The following DNMT3A variants were observed in gnomAD, a reference collection of about 807,000 sequenced individuals.
DNMT3A encodes DNA (cytosine-5)-methyltransferase 3A.
DNMT3A carries 267 observed loss-of-function variants against 117.6 expected under a neutral mutation model. The observed-to-expected ratio is 2.27, with a 90% CI of 2.05 to 2.51. The LOEUF is 2.51. DNMT3A is among the 30% of genes most tolerant of loss of function. The pLI, the probability that DNMT3A is intolerant of heterozygous loss-of-function variation, is 0.00. For synonymous variants in DNMT3A, 432 were observed against 474.8 expected (o/e 0.91, Z 1.17); for missense variants, 1,029 against 1,260.2 (o/e 0.82, Z 2.78).
intron 2 of DNMT3A, among the ~76,000 whole-genome samples, chr2:25,301,143 C>T (rs759181693): frequency 1.1e-4 from 16 of 151,720 alleles, no homozygotes; most frequent in Non-Finnish European, 1.9e-4. Flanking sequence ...GTGGCACGCG[C>T]CTGTAGTCTC....
intron 2 of DNMT3A, among the ~76,000 whole-genome samples, chr2:25,302,590 G>T (rs937106853): frequency 1.3e-5 from 2 of 152,198 alleles, no homozygotes; most frequent in Non-Finnish European, 2.9e-5. Context: ...GAGCAAACTC[G>T]CGGGAGCCTT....
rs1271561692 is a variant in DNMT3A at position 25,231,182 on chromosome 2, G to A, written c.*3097C>T. 1 of 152,342 alleles carries A rather than the reference G, an allele frequency of 6.6e-6. No individual in the cohort carries two copies. 9.4% of individuals were successfully genotyped at this position (152,342 alleles called of 1,614,324 possible). On this transcript the variant is annotated 3_prime_UTR_variant, in exon 23 of 23. Coordinates refer to ENST00000321117, the MANE Select transcript of DNMT3A (RefSeq NM_022552.5). ...GGAGGGAGCACCTTGGACTGCCTGA[G>A]GCAGCCCCTCCTCCCCCAGCCCTCC...
chr2:25,240,842 G>T, intron 17 of DNMT3A, 112 bp from the exon 18 acceptor site: 1 of 1,051,764 alleles, frequency 9.5e-7, no homozygotes. Flanking sequence ...ACGAAAGAGA[G>T]GAGACCCAGC....
At chr2:25,312,304 G>A (rs2034165853) in intron 2 of DNMT3A, among the ~76,000 whole-genome samples, 2 of 152,196 alleles carry the variant, frequency 1.3e-5, no homozygotes, top group South Asian at 2.1e-4. Flanking sequence ...CAGCCTAGGG[G>A]CCCGCAGGTA....
chr2:25,330,633 C>G (rs535864248), intron 1 of DNMT3A, among the ~76,000 whole-genome samples: 198 of 152,356 alleles, frequency 1.3e-3, no homozygotes, highest in African/African-American at 4.7e-3. Context: ...AAGTCCTTCC[C>G]AAGCTCATCT....
chr2:25,284,035 G>A (rs1419526484), intron 3 of DNMT3A, among the ~76,000 whole-genome samples: 2 of 152,186 alleles, frequency 1.3e-5, no homozygotes, highest in Non-Finnish European at 2.9e-5. Context: ...AGTGGGCCAG[G>A]ACACCTCAAG....
At chr2:25,325,698 G>C (rs1000070953) in intron 1 of DNMT3A, among the ~76,000 whole-genome samples, 1 of 152,074 alleles carries the variant, frequency 6.6e-6, no homozygotes, top group African/African-American at 2.4e-5. Flanking sequence ...AACTGACAGT[G>C]GAAAAAAGGA....
chr2:25,276,178 A>G (rs1321611084), intron 4 of DNMT3A, among the ~76,000 whole-genome samples: 1 of 152,100 alleles, frequency 6.6e-6, no homozygotes, highest in Non-Finnish European at 1.5e-5. Context: ...TGCAGGTCCA[A>G]ATATTATGAT....
intron 2 of DNMT3A, among the ~76,000 whole-genome samples, chr2:25,303,381 ATC>A (rs1303120331): frequency 2.0e-5 from 3 of 152,210 alleles, no homozygotes; most frequent in Non-Finnish European, 4.4e-5. Context: ...TCCTGCTGGC[ATC>A]TCTCACCTAC....
rs765347568 is a variant in DNMT3A, at chr2:25,234,336, G to A, written c.2682C>T (p.Ser894=). Residue 894 remains serine, a synonymous_variant, in exon 23 of 23, where the codon AGC becomes AGT. Transcript: ENST00000321117. This position sits in a 1 kb window ranked among gnomAD's most constrained non-coding sequence, Gnocchi z 4.5. ...CGAAGAGGTGGCGGATGACTGGCACGCTCCATGACCGGCCCAGCAGTCTCT... is the reference window on the plus strand; with the variant it reads ...CGAAGAGGTGGCGGATGACTGGCACACTCCATGACCGGCCCAGCAGTCTCT... ...ARQRLLGRSW[S]VPVIRHLFAP... The A allele has an allele frequency of 9.3e-6, 15 of 1,614,052 alleles. No individual in the cohort carries two copies. Among genetic ancestry groups the A allele is most frequent in the Middle Eastern group, 1.7e-4 (1 of 6,054 alleles).
At chr2:25,259,659 AG>A (rs1676442289) in intron 6 of DNMT3A, among the ~76,000 whole-genome samples, 2 of 152,272 alleles carry the variant, frequency 1.3e-5, no homozygotes, top group African/African-American at 4.8e-5. Flanking sequence ...GTTTATACTA[AG>A]GGGGGTGTGG....
chr2:25,333,210 CCT>C (rs1243315921), intron 1 of DNMT3A, among the ~76,000 whole-genome samples: 1 of 107,308 alleles, frequency 9.3e-6, no homozygotes, highest in African/African-American at 3.5e-5. Flanking sequence ...CTGCCACTCC[CCT>C]GTGGCCCCTG....
At chr2:25,300,707 AATATAATATATATATAT>A (rs1305517601) in intron 2 of DNMT3A, among the ~76,000 whole-genome samples, 35 of 57,856 alleles carry the variant, frequency 6.0e-4, no homozygotes, top group African/African-American at 2.3e-3. Flanking sequence ...ATATCTAAAT[AATATAATATATATATAT>A]ATATATATAT....
At chr2:25,315,354 G>A (rs1473940882) in intron 1 of DNMT3A, among the ~76,000 whole-genome samples, 4 of 152,308 alleles carry the variant, frequency 2.6e-5, no homozygotes, top group South Asian at 4.1e-4. Context: ...TGGGAGGAAG[G>A]AGCTGGCAGG....
At chr2:25,246,869 C>T in intron 9 of DNMT3A, 93 bp from the exon 10 acceptor site, 1 of 1,560,576 alleles carries the variant, frequency 6.4e-7, no homozygotes. Context: ...GTGAGGGTGG[C>T]ACAGGCAAGA....
At chr2:25,273,600 A>C (rs1225356330) in intron 6 of DNMT3A, among the ~76,000 whole-genome samples, 2 of 152,124 alleles carry the variant, frequency 1.3e-5, no homozygotes, top group African/African-American at 4.8e-5. Context: ...CTACTAATCA[A>C]ACATACAAGA....
At chr2:25,285,770 G>C (rs1395218306) in intron 3 of DNMT3A, among the ~76,000 whole-genome samples, 1 of 152,212 alleles carries the variant, frequency 6.6e-6, no homozygotes, top group East Asian at 1.9e-4. Context: ...CTTAAGCAAA[G>C]AGGGCATTTC....
chr2:25,321,146 T>C (rs1029139928), intron 1 of DNMT3A, among the ~76,000 whole-genome samples: 2 of 151,832 alleles, frequency 1.3e-5, no homozygotes, highest in Non-Finnish European at 2.9e-5. Flanking sequence ...AAAAAAAAAT[T>C]ATCTTGCAAT....
chr2:25,322,705 AC>A (rs1488568777), intron 1 of DNMT3A, among the ~76,000 whole-genome samples: 1 of 142,208 alleles, frequency 7.0e-6, no homozygotes, highest in African/African-American at 2.7e-5. Context: ...CGAGATGACC[AC>A]CCAAGCCTCC....
Sources: gnomAD v4.1 joint callset for allele counts (sites outside exome capture counted in the v4.1 genomes callset) on GRCh38, gnomAD v4.1.1 for gene constraint, Gnocchi (gnomAD v3.1) non-coding constraint, MANE v1.5 for transcripts, NCBI Gene and HGNC (gene_info 2026-07-23, HGNC 2026-07-21) for gene names.